TACC2: variants seen among roughly 807,000 people sequenced by gnomAD.
The protein encoded by TACC2 is transforming acidic coiled-coil containing protein 2, also known as transforming acidic coiled-coil-containing protein 2.
TACC2 carries 137 observed loss-of-function variants against 227.3 expected under a neutral mutation model. The observed-to-expected ratio is 0.60, with a 90% CI of 0.52 to 0.69. The LOEUF (loss-of-function observed/expected upper bound fraction) is 0.69, where lower values mean the gene tolerates loss of function less well. Among genes scored for constraint, TACC2 ranks in the 30% least tolerant of loss-of-function variants. The pLI, the probability that TACC2 is intolerant of heterozygous loss-of-function variation, is 0.00. For synonymous variants in TACC2, 1,523 were observed against 1,487.5 expected (o/e 1.02, Z -0.55); for missense variants, 3,470 against 3,694.4 (o/e 0.94, Z 1.57).
At chr10:122,098,002 T>A (rs2081655733) in intron 5 of TACC2, among the ~76,000 whole-genome samples, 2 of 152,076 alleles carry the variant, frequency 1.3e-5, no homozygotes, top group African/African-American at 4.8e-5. Flanking sequence ...GGGTACACGC[T>A]CCTCTGCTAG....
At chr10:122,118,704 AT>A (rs2085180424) in intron 5 of TACC2, among the ~76,000 whole-genome samples, 1 of 152,126 alleles carries the variant, frequency 6.6e-6, no homozygotes, top group South Asian at 2.1e-4. Flanking sequence ...ACTGAGTGAC[AT>A]TTTTTTAAAC....
intron 2 of TACC2, among the ~76,000 whole-genome samples, chr10:122,046,955 A>G (rs1157184213): frequency 2.6e-5 from 4 of 152,134 alleles, no homozygotes; most frequent in Non-Finnish European, 4.4e-5. Context: ...TTGAGTTATT[A>G]TAGTAAAATG....
intron 1 of TACC2, among the ~76,000 whole-genome samples, chr10:122,005,527 G>A (rs1954981855): frequency 6.6e-6 from 1 of 151,342 alleles, no homozygotes; most frequent in African/African-American, 2.4e-5. Flanking sequence ...TGGGACTACA[G>A]GCGCTCACCA....
chr10:122,108,221 C>T (rs183555691), intron 5 of TACC2, among the ~76,000 whole-genome samples: 2 of 152,094 alleles, frequency 1.3e-5, no homozygotes, highest in East Asian at 3.9e-4. Flanking sequence ...TTTGTGTCCA[C>T]ATAGCTTAGC....
At chr10:122,231,715 C>T (rs1358250506) in intron 16 of TACC2, among the ~76,000 whole-genome samples, 3 of 152,198 alleles carry the variant, frequency 2.0e-5, no homozygotes, top group Admixed American at 2.0e-4. Context: ...GTGGTACACA[C>T]CTGTAGTTCC....
intron 7 of TACC2, among the ~76,000 whole-genome samples, chr10:122,148,097 A>ATTT (rs1172285538): frequency 6.8e-5 from 9 of 131,440 alleles, no homozygotes; most frequent in Non-Finnish European, 9.7e-5. Flanking sequence ...CTGAGCCAGA[A>ATTT]TTTTTTTTTT....
intron 5 of TACC2, among the ~76,000 whole-genome samples, chr10:122,117,652 G>C: frequency 6.6e-6 from 1 of 152,136 alleles, no homozygotes; most frequent in East Asian, 1.9e-4. Context: ...TTACAGTCCC[G>C]CTAATTCTTG....
chr10:122,132,065 A>AAAG lies in TACC2; in HGVS notation c.5574-542_5574-541insGAA, dbSNP rs1491380286. ...GAAAGAAAGAAAGAAAGAAAGAAAG[A>AAAG]AAAAGAAAGAAAGAAAGAGAAAGAT... On this transcript the variant is annotated intron_variant, in intron 5 of 22. Transcript: ENST00000369005. Among the ~76,000 whole-genome samples, 12 of 30,022 alleles carry AAAG rather than the reference A, an allele frequency of 4.0e-4. 1 individual carries two copies. In the East Asian group the frequency reaches 8.5e-3, roughly 21 times the overall value. The allele number at this position is 30,022 out of a possible 152,430, so 19.7% of individuals were successfully genotyped here.
rs1591471407 is a variant in TACC2 at position 122,050,603 on chromosome 10, T to A, written c.146+53T>A. ...GCAGCCCAAGGACTGCCCCGCTCAT[T>A]GCCTGCTCCAGCATTAGCTTTGCCC... On this transcript the variant is annotated intron_variant, in intron 3 of 22. Transcript: ENST00000369005. The surrounding 1 kb of genome is among the most constrained non-coding windows in gnomAD (Gnocchi z 4.6). The A allele has an allele frequency of 7.1e-7, 1 of 1,402,570 alleles. No individual in the cohort carries two copies. Among genetic ancestry groups the A allele is most frequent in the Admixed American group, 1.8e-5 (1 of 56,050 alleles). The allele number at this position is 1,402,570 out of a possible 1,614,324, so 86.9% of individuals were successfully genotyped here. A position where few individuals can be genotyped will look rare whatever the true frequency, so the allele number is the denominator to read the frequency against.
chr10:122,105,843 G>C (rs570444336), intron 5 of TACC2, among the ~76,000 whole-genome samples: 4 of 150,624 alleles, frequency 2.7e-5, no homozygotes, highest in Non-Finnish European at 5.9e-5. Context: ...GGTTGGTCTC[G>C]AACTCCTCAC....
chr10:122,101,528 T>TG (rs36059636), intron 5 of TACC2, among the ~76,000 whole-genome samples: 32,356 of 146,874 alleles, frequency 0.22, 4,006 homozygotes, highest in East Asian at 0.48. Context: ...GAGACCAGCC[T>TG]GGGCAACATG....
At chr10:122,101,243 T>C (rs1443099179) in intron 5 of TACC2, among the ~76,000 whole-genome samples, 1 of 152,156 alleles carries the variant, frequency 6.6e-6, no homozygotes, top group Admixed American at 6.5e-5. Context: ...AAATTAATAC[T>C]TACCTCATGA....
intron 1 of TACC2, among the ~76,000 whole-genome samples, chr10:121,994,367 A>G (rs1490953018): frequency 6.6e-6 from 1 of 152,184 alleles, no homozygotes; most frequent in Non-Finnish European, 1.5e-5. Context: ...ATTGCAGCCC[A>G]AGGTAGTTGA....
intron 6 of TACC2, among the ~76,000 whole-genome samples, chr10:122,132,974 C>CT (rs1349095586): frequency 6.6e-6 from 1 of 152,124 alleles, no homozygotes; most frequent in African/African-American, 2.4e-5. Flanking sequence ...CCTGTCCCGG[C>CT]CCCCAAGACA....
intron 5 of TACC2, among the ~76,000 whole-genome samples, chr10:122,098,475 A>G (rs975236455): frequency 5.3e-5 from 8 of 152,216 alleles, no homozygotes; most frequent in African/African-American, 1.7e-4. Context: ...CTTTGGAGGC[A>G]GGTGGCTGCG....
At chr10:122,157,038 G>A (rs942867363) in intron 7 of TACC2, among the ~76,000 whole-genome samples, 1 of 152,172 alleles carries the variant, frequency 6.6e-6, no homozygotes, top group Non-Finnish European at 1.5e-5. Flanking sequence ...CTTGAGCCCA[G>A]GAGGTCGAGG....
At chr10:122,169,602 G>T (rs1277033731) in intron 7 of TACC2, among the ~76,000 whole-genome samples, 1 of 152,152 alleles carries the variant, frequency 6.6e-6, no homozygotes, top group East Asian at 1.9e-4. Context: ...ACGGATGATT[G>T]GTACAGGGCT....
rs933205070 is a variant in TACC2 at position 122,205,155 on chromosome 10, T to C, written c.5972-5242T>C. 6.6e-6 allele frequency among the ~76,000 whole-genome samples: 1 copy of C among 152,220 alleles called. No homozygotes were observed. The highest frequency in any genetic ancestry group is 1.5e-5 in the Non-Finnish European group (1 of 68,034). On this transcript the variant is annotated intron_variant, in intron 8 of 22. Transcript: ENST00000369005. This position sits in a 1 kb window ranked among gnomAD's most constrained non-coding sequence, Gnocchi z 4.5. Reference sequence around the variant, plus strand: ...CCCCACAGTGCCTCGACGGCACTTTTCCCTCTTGGTTTCTGGGAATTGAAC... The same window carrying C: ...CCCCACAGTGCCTCGACGGCACTTTCCCCTCTTGGTTTCTGGGAATTGAAC...
intron 3 of TACC2, chr10:122,051,821 T>A (rs2075736996): frequency 7.3e-6 from 1 of 137,092 alleles, no homozygotes; most frequent in Non-Finnish European, 1.5e-5. Flanking sequence ...CAACCCCTGG[T>A]GGCAGGAATT....
Sources: gnomAD v4.1 joint callset for allele counts (sites outside exome capture counted in the v4.1 genomes callset) on GRCh38, gnomAD v4.1.1 for gene constraint, Gnocchi (gnomAD v3.1) non-coding constraint, MANE v1.5 for transcripts, NCBI Gene and HGNC (gene_info 2026-07-23, HGNC 2026-07-21) for gene names.